The following RNF111 variants were observed in gnomAD, a reference collection of about 807,000 sequenced individuals.
The protein encoded by RNF111 is ring finger protein 111, also known as E3 ubiquitin-protein ligase Arkadia.
A neutral mutation model predicts 95.1 loss-of-function variants in RNF111; 17 were observed. That is an observed-to-expected ratio of 0.18 (90% confidence interval 0.12 to 0.27). RNF111 has a LOEUF of 0.27. Ranked by LOEUF, RNF111 falls within the 10% of genes least tolerant of loss-of-function variation. The pLI, the probability that RNF111 is intolerant of heterozygous loss-of-function variation, is 1.00. For synonymous variants in RNF111, 440 were observed against 414.8 expected, an observed-to-expected ratio of 1.06 and a Z score of -0.74; for missense variants, 1,189 against 1,210.4, an observed-to-expected ratio of 0.98 and a Z score of 0.26.
Position 59,092,659 on chromosome 15 carries a change from T to C in RNF111, c.2843+19T>C. The C allele has an allele frequency of 6.3e-7, 1 of 1,592,392 alleles. No homozygotes were observed. The highest frequency in any genetic ancestry group is 1.7e-5 in the Admixed American group (1 of 58,064). On this transcript the variant is annotated intron_variant, in intron 13 of 13. Transcript: ENST00000348370. ...ATGTGAGGTAACTAGATATTAATTA[T>C]CTAAAATCCATTGTCAAAACTGTAC...
At chr15:58,997,620 C>T (rs371065856) in intron 1 of RNF111, among the ~76,000 whole-genome samples, 26 of 151,334 alleles carry the variant, frequency 1.7e-4, no homozygotes, top group African/African-American at 6.3e-4. Flanking sequence ...AGATCGAGAC[C>T]ATCCTGGGCA....
chr15:59,031,754 G>A, intron 2 of RNF111, 52 bp downstream of exon 2: 1 of 1,511,384 alleles, frequency 6.6e-7, no homozygotes, highest in Non-Finnish European at 9.0e-7. Flanking sequence ...TTGCATTTGT[G>A]CTTAATTTTT....
At chr15:59,006,882 G>T (rs549862787) in intron 1 of RNF111, among the ~76,000 whole-genome samples, 2 of 152,158 alleles carry the variant, frequency 1.3e-5, no homozygotes, top group African/African-American at 4.8e-5. Context: ...CGCCTCCCGG[G>T]TTCAAGCAGT....
Position 59,084,146 on chromosome 15 carries a change from C to A in RNF111, c.2315C>A (p.Pro772His). The change falls in exon 9 of 14, where the codon CCC (proline) becomes CAC (histidine). Residue 772 changes from proline (P) to histidine (H), a missense_variant. By Grantham distance (77) the Pro-to-His change is moderately conservative. Transcript: ENST00000348370. Reference protein sequence around the residue: ...MQHPTRAHERPPPHPHRMHPN... With the variant: ...MQHPTRAHERHPPHPHRMHPN... ...GTTTCCAGGCGGGCACATGAACGCC[C>A]CCCACCCCATCCACATAGGATGCAC... is the stretch of plus-strand genomic sequence containing the variant. 1 of 1,607,478 alleles carries A rather than the reference C, an allele frequency of 6.2e-7. No individual in the cohort carries two copies. Among genetic ancestry groups the A allele is most frequent in the Non-Finnish European group, 8.5e-7 (1 of 1,177,010 alleles).
chr15:59,029,271 T>A (rs2040790302), intron 1 of RNF111, among the ~76,000 whole-genome samples: 1 of 152,196 alleles, frequency 6.6e-6, no homozygotes, highest in African/African-American at 2.4e-5. Flanking sequence ...CATGTACCTG[T>A]GTTTTATCAT....
Position 59,094,928 on chromosome 15 carries a change from C to A in RNF111, c.*28C>A. 1 of 1,275,216 alleles carries A rather than the reference C, an allele frequency of 7.8e-7. No homozygotes were observed. Among genetic ancestry groups the A allele is most frequent in the Non-Finnish European group, 1.1e-6 (1 of 870,994 alleles). The allele number at this position is 1,275,216 out of a possible 1,614,324, so 79.0% of individuals were successfully genotyped here. A position where few individuals can be genotyped will look rare whatever the true frequency, so the allele number is the denominator to read the frequency against. ...CCATGTTTCAGAACTCTTGCCCTCC[C>A]TCTCATTCCCATCCTTCCTGGTACT... On this transcript the variant is annotated 3_prime_UTR_variant, in exon 14 of 14. Coordinates refer to ENST00000348370, the MANE Select transcript of RNF111 (RefSeq NM_017610.8).
In RNF111 at chr15:59,090,123, T is replaced by A. The variant is rs2079008128; in HGVS notation, c.2643+364T>A. ...GTAGAGAAAAAGAAACTTAAGTAAT[T>A]CCCTTTGTAGCTAAATGTCTTGTTT... is the stretch of plus-strand genomic sequence containing the variant. On this transcript the variant is annotated intron_variant, in intron 11 of 13. Transcript: ENST00000348370. 2.6e-5 allele frequency among the ~76,000 whole-genome samples: 4 copies of A among 152,352 alleles called. No individual in the cohort carries two copies. The South Asian group carries it at 8.3e-4, about 32-fold the overall frequency.
intron 1 of RNF111, chr15:59,004,069 T>C (rs2141469594): frequency 4.1e-6 from 3 of 728,526 alleles, no homozygotes; most frequent in South Asian, 6.0e-5. Flanking sequence ...GCTGAGTTGA[T>C]CTTTTTGAAA....
intron 2 of RNF111, among the ~76,000 whole-genome samples, chr15:59,047,991 A>G (rs1475535543): frequency 6.6e-6 from 1 of 152,218 alleles, no homozygotes; most frequent in Non-Finnish European, 1.5e-5. Flanking sequence ...AGAACCTGAA[A>G]CCTTCATTTC....
chr15:59,003,056 T>A (rs1244648006), intron 1 of RNF111, among the ~76,000 whole-genome samples: 1 of 152,222 alleles, frequency 6.6e-6, no homozygotes, highest in Non-Finnish European at 1.5e-5. Flanking sequence ...TCACAGGTGC[T>A]ATTAAAGCTT....
In RNF111 at chr15:59,063,197, T is replaced by C. The variant is rs552852101; in HGVS notation, c.1367-3567T>C. Among the ~76,000 whole-genome samples, 5 of 152,314 alleles carry C rather than the reference T, an allele frequency of 3.3e-5. No individual in the cohort carries two copies. The East Asian group carries it at 7.7e-4, about 23-fold the overall frequency. ...TGAAATTAAATATAGAAAGTGCTTA[T>C]TGAGCCACCTACATTGTGCAAGCAT... On this transcript the variant is annotated intron_variant, in intron 5 of 13. Transcript: ENST00000348370.
intron 2 of RNF111, among the ~76,000 whole-genome samples, 159 bp from the exon 3 acceptor site, chr15:59,052,145 GT>G: frequency 6.6e-6 from 1 of 152,106 alleles, no homozygotes; most frequent in East Asian, 1.9e-4. Flanking sequence ...TACTGTGTGT[GT>G]TTTTTGTTCC....
intron 1 of RNF111, among the ~76,000 whole-genome samples, chr15:59,010,335 T>G (rs1392662070): frequency 6.6e-6 from 1 of 152,170 alleles, no homozygotes; most frequent in Non-Finnish European, 1.5e-5. Context: ...AAATTTCATA[T>G]TTTTGCAGCT....
intron 1 of RNF111, among the ~76,000 whole-genome samples, chr15:59,001,407 T>C (rs903161648): frequency 4.6e-5 from 7 of 152,236 alleles, no homozygotes; most frequent in African/African-American, 1.7e-4. Context: ...TTGCCTGCTA[T>C]TAGTTCCTAT....
chr15:59,004,761 C>T (rs2039464369), intron 1 of RNF111, among the ~76,000 whole-genome samples: 1 of 152,182 alleles, frequency 6.6e-6, no homozygotes, highest in African/African-American at 2.4e-5. Flanking sequence ...AAGTCTAGCA[C>T]TTCCCGTTTT....
At chr15:59,001,382 A>G (rs921146819) in intron 1 of RNF111, among the ~76,000 whole-genome samples, 1 of 152,080 alleles carries the variant, frequency 6.6e-6, no homozygotes, top group East Asian at 1.9e-4. Flanking sequence ...ACAGGATTCT[A>G]TTGCCATCTC....
At chr15:59,030,020 T>C (rs1469528158) in intron 1 of RNF111, among the ~76,000 whole-genome samples, 1 of 152,250 alleles carries the variant, frequency 6.6e-6, no homozygotes, top group Non-Finnish European at 1.5e-5. Flanking sequence ...TTTTCATATG[T>C]ACATTGCATT....
intron 1 of RNF111, among the ~76,000 whole-genome samples, chr15:59,019,122 T>G (rs1356418490): frequency 7.3e-6 from 1 of 137,050 alleles, no homozygotes; most frequent in Non-Finnish European, 1.6e-5. Flanking sequence ...TTTTTTTTTT[T>G]GTAGAGGTGA....
chr15:59,017,624 TAA>T (rs770458829), intron 1 of RNF111, among the ~76,000 whole-genome samples: 10 of 152,182 alleles, frequency 6.6e-5, no homozygotes, highest in Non-Finnish European at 1.3e-4. Flanking sequence ...GAAGTTAAAA[TAA>T]CAGAAATCTC....
Sources: gnomAD v4.1 joint callset for allele counts (sites outside exome capture counted in the v4.1 genomes callset) on GRCh38, gnomAD v4.1.1 for gene constraint, MANE v1.5 for transcripts, NCBI Gene and HGNC (gene_info 2026-07-23, HGNC 2026-07-21) for gene names.